The following SLC39A10 variants were observed in gnomAD, a reference collection of about 807,000 sequenced individuals.
SLC39A10 encodes the protein solute carrier family 39 member 10.
Under a neutral mutation model 65.1 loss-of-function variants are expected in SLC39A10, and 13 were observed. The observed-to-expected ratio is 0.20, with a 90% CI of 0.13 to 0.32. The LOEUF is 0.32. SLC39A10 is among the 10% of genes least tolerant of loss of function. The pLI is 1.00. For missense variants in SLC39A10, 831 were observed against 1,018.4 expected (o/e 0.82, Z 2.50); for synonymous variants, 321 against 342.2 (o/e 0.94, Z 0.68).
At chr2:195,694,827 CCT>C (rs917663770) in intron 3 of SLC39A10, among the ~76,000 whole-genome samples, 3 of 152,112 alleles carry the variant, frequency 2.0e-5, no homozygotes, top group Non-Finnish European at 4.4e-5. Context: ...GAGATTATGT[CCT>C]TTTATTGCGG....
chr2:195,619,241 G>A (rs1688296994), intron 2 of SLC39A10, among the ~76,000 whole-genome samples: 1 of 152,090 alleles, frequency 6.6e-6, no homozygotes, highest in South Asian at 2.1e-4. Flanking sequence ...AAGGGGAAGG[G>A]CCATCTTCCA....
intron 1 of SLC39A10, among the ~76,000 whole-genome samples, chr2:195,679,577 T>A (rs527550289): frequency 3.3e-5 from 5 of 152,238 alleles, no homozygotes; most frequent in Non-Finnish European, 5.9e-5. Flanking sequence ...CATAACATGA[T>A]ATAGCCATCC....
intron 2 of SLC39A10, among the ~76,000 whole-genome samples, chr2:195,631,759 CTAT>C (rs1323809156): frequency 6.6e-6 from 1 of 152,164 alleles, no homozygotes; most frequent in South Asian, 2.1e-4. Context: ...ACAACTACTA[CTAT>C]ATGTACCATC....
chr2:195,707,240 CCTTTT>C (rs1158614234), intron 4 of SLC39A10, among the ~76,000 whole-genome samples: 1 of 152,144 alleles, frequency 6.6e-6, no homozygotes, highest in Non-Finnish European at 1.5e-5. Flanking sequence ...TCATGCCAGT[CCTTTT>C]CTTCTCTTTG....
chr2:195,650,282 CAAAAA>C (rs35680880), intron 2 of SLC39A10, among the ~76,000 whole-genome samples: 1 of 118,270 alleles, frequency 8.5e-6, no homozygotes, highest in Non-Finnish European at 1.8e-5. Context: ...ACTCCTCCTC[CAAAAA>C]AAAAAAAAAA....
chr2:195,632,308 T>C (rs1574204945), intron 2 of SLC39A10, among the ~76,000 whole-genome samples: 2 of 134,862 alleles, frequency 1.5e-5, no homozygotes, highest in East Asian at 5.2e-4. Context: ...TTTTTTTTTT[T>C]TTTTTTTTTG....
At chr2:195,645,488 T>G (rs1458147002) in intron 2 of SLC39A10, among the ~76,000 whole-genome samples, 1 of 152,246 alleles carries the variant, frequency 6.6e-6, no homozygotes, top group African/African-American at 2.4e-5. Flanking sequence ...AGACATTAGA[T>G]AGTATATTTG....
intron 3 of SLC39A10, among the ~76,000 whole-genome samples, chr2:195,692,833 CTGAT>C (rs1344907737): frequency 2.0e-5 from 3 of 152,130 alleles, no homozygotes; most frequent in Non-Finnish European, 1.5e-5. Context: ...TTTCCCTTCT[CTGAT>C]TGCTCTGGCT....
At chr2:195,622,082 AG>A (rs1458032888) in intron 2 of SLC39A10, among the ~76,000 whole-genome samples, 2 of 152,154 alleles carry the variant, frequency 1.3e-5, no homozygotes, top group African/African-American at 4.8e-5. Flanking sequence ...CAAGTGATTT[AG>A]GGCTGGGGGC....
intron 3 of SLC39A10, among the ~76,000 whole-genome samples, chr2:195,685,583 C>G (rs946787052): frequency 1.3e-5 from 2 of 152,114 alleles, no homozygotes; most frequent in Non-Finnish European, 1.5e-5. Flanking sequence ...TCTCCCATCC[C>G]TTTCTCCCTC....
upstream of SLC39A10, among the ~76,000 whole-genome samples, chr2:195,652,304 T>C (rs1689050170): frequency 6.6e-6 from 1 of 152,206 alleles, no homozygotes; most frequent in East Asian, 1.9e-4. Flanking sequence ...TACCAGCACT[T>C]TGGGACGCCG....
intron 1 of SLC39A10, among the ~76,000 whole-genome samples, chr2:195,664,064 G>C (rs1689534849): frequency 6.6e-6 from 1 of 151,904 alleles, no homozygotes; most frequent in African/African-American, 2.4e-5. Context: ...AATCATGCCA[G>C]TTAAAAATTG....
chr2:195,659,405 A>C (rs1264232153), intron 1 of SLC39A10, among the ~76,000 whole-genome samples: 1 of 152,174 alleles, frequency 6.6e-6, no homozygotes, highest in East Asian at 1.9e-4. Flanking sequence ...AGTAGGCCTC[A>C]AGTGTCGTAT....
intron 5 of SLC39A10, among the ~76,000 whole-genome samples, chr2:195,711,553 ATAAG>A (rs2105818098): frequency 6.6e-6 from 1 of 152,360 alleles, no homozygotes; most frequent in South Asian, 2.1e-4. Flanking sequence ...AAATAGGACA[ATAAG>A]TAACCTAAGA....
intron 2 of SLC39A10, among the ~76,000 whole-genome samples, chr2:195,633,123 C>T (rs1393897468): frequency 1.3e-5 from 2 of 152,208 alleles, no homozygotes; most frequent in Admixed American, 6.5e-5. Flanking sequence ...TTCTATTTCT[C>T]TGATGTAATC....
At chr2:195,663,778 C>A (rs1574238715) in intron 1 of SLC39A10, among the ~76,000 whole-genome samples, 1 of 144,974 alleles carries the variant, frequency 6.9e-6, no homozygotes, top group Non-Finnish European at 1.5e-5. Context: ...TTAGGATAGT[C>A]TATAGTTTTT....
chr2:195,654,898 A>AT (rs61404865), upstream of SLC39A10, among the ~76,000 whole-genome samples: 152,021 of 152,346 alleles, frequency 1, 75,855 homozygotes, highest in Non-Finnish European at 1. Context: ...TAGTATGCAG[A>AT]GAATCATTTA....
chr2:195,650,959 G>A (rs1008774589), intron 2 of SLC39A10, among the ~76,000 whole-genome samples: 7 of 151,730 alleles, frequency 4.6e-5, no homozygotes, highest in East Asian at 1.9e-4. Flanking sequence ...TGGGGAAGGC[G>A]AAGGAGGTGG....
chr2:195,667,677 G>T (rs568032588), intron 1 of SLC39A10, among the ~76,000 whole-genome samples: 1 of 152,236 alleles, frequency 6.6e-6, no homozygotes, highest in South Asian at 2.1e-4. Flanking sequence ...CGTATACATT[G>T]GTTTATTTGG....
Sources: allele counts gnomAD v4.1 joint callset (sites outside exome capture counted in the v4.1 genomes callset), GRCh38; gene constraint gnomAD v4.1.1; transcripts MANE v1.5; gene names NCBI Gene and HGNC (gene_info 2026-07-23, HGNC 2026-07-21).